The following LIFR variants were observed in gnomAD, a reference collection of about 807,000 sequenced individuals.
LIFR encodes the protein leukemia inhibitory factor receptor.
In LIFR, 84 loss-of-function variants were observed where a neutral mutation model predicts 122.2. The observed-to-expected ratio is 0.69, with a 90% CI of 0.58 to 0.82. The LOEUF (loss-of-function observed/expected upper bound fraction) is 0.82, where lower values mean the gene tolerates loss of function less well. Ranked by LOEUF, LIFR falls within the 40% of genes least tolerant of loss-of-function variation. LIFR has a pLI of 0.00. For synonymous variants in LIFR, 422 were observed against 434.7 expected, an observed-to-expected ratio of 0.97 and a Z score of 0.36; for missense variants, 1,294 against 1,311.6, an observed-to-expected ratio of 0.99 and a Z score of 0.21.
intron 18 of LIFR, among the ~76,000 whole-genome samples, chr5:38,484,170 C>T (rs772823015): frequency 6.6e-6 from 1 of 152,254 alleles, no homozygotes; most frequent in Non-Finnish European, 1.5e-5. Context: ...GGGCCATGGC[C>T]GACCAGCTCG....
intron 4 of LIFR, 118 bp downstream of exon 4, chr5:38,527,037 G>T: frequency 1.1e-6 from 1 of 886,666 alleles, no homozygotes; most frequent in Non-Finnish European, 1.7e-6. Context: ...TAGGGAGGTT[G>T]CTGAGTGAAT....
chr5:38,523,364 A>T, intron 5 of LIFR, 55 bp downstream of exon 5: 1 of 1,486,928 alleles, frequency 6.7e-7, no homozygotes, highest in Non-Finnish European at 9.2e-7. Context: ...GCTTCTTAAA[A>T]AAAATTATTC....
intron 1 of LIFR, among the ~76,000 whole-genome samples, chr5:38,588,057 A>G (rs1382397802): frequency 1.3e-5 from 2 of 152,250 alleles, no homozygotes; most frequent in Non-Finnish European, 2.9e-5. Context: ...CTAGAGCAAC[A>G]TTATATCAAA....
chr5:38,533,762 T>G (rs987241184), intron 1 of LIFR, among the ~76,000 whole-genome samples: 4 of 152,102 alleles, frequency 2.6e-5, no homozygotes. Context: ...GAGAGTGAGT[T>G]AGCATGTCCT....
chr5:38,563,351 C>G (rs1031378029), intron 1 of LIFR, among the ~76,000 whole-genome samples: 1 of 152,096 alleles, frequency 6.6e-6, no homozygotes, highest in African/African-American at 2.4e-5. Context: ...TTTCTTAACT[C>G]TAGAAAAGAG....
intron 1 of LIFR, among the ~76,000 whole-genome samples, chr5:38,606,708 G>T (rs530317831): frequency 3.9e-4 from 60 of 152,322 alleles, no homozygotes; most frequent in African/African-American, 1.4e-3. Flanking sequence ...GTGCTGCACA[G>T]TTGCATATTA....
chr5:38,566,862 T>TA (rs1315125828), intron 1 of LIFR, among the ~76,000 whole-genome samples: 2 of 151,246 alleles, frequency 1.3e-5, no homozygotes, highest in African/African-American at 2.4e-5. Flanking sequence ...AAACCAATTC[T>TA]AAAAAAAAAG....
rs1044451246 is a variant in LIFR, at chr5:38,477,643, G to A, written c.*3952C>T. 1 of 213,468 alleles carries A rather than the reference G, an allele frequency of 4.7e-6. No individual in the cohort carries two copies. The highest frequency in any genetic ancestry group is 9.5e-6 in the Non-Finnish European group (1 of 105,340). The allele number at this position is 213,468 out of a possible 1,614,324, so 13.2% of individuals were successfully genotyped here. On this transcript the variant is annotated 3_prime_UTR_variant, in exon 20 of 20. Transcript: ENST00000453190. ...TCCTTCCTCAGTTTTCACTCAAACC[G>A]TGGAGTCACTTCCGAAGTAGATTTG...
intron 9 of LIFR, 91 bp from the exon 10 acceptor site, chr5:38,504,212 C>A: frequency 1.1e-6 from 1 of 935,324 alleles, no homozygotes; most frequent in Non-Finnish European, 1.7e-6. Context: ...TAAAAAACAA[C>A]GAGGCATCAT....
At position 38,530,620 on chromosome 5, in the gene LIFR, G is replaced by A. The variant is rs3729732; in HGVS notation, c.28C>T (p.Arg10Ter). The change falls in exon 2 of 20, where the codon CGA becomes TGA. Residue 10 changes from arginine to a stop codon, truncating the protein, a stop_gained. Coordinates refer to ENST00000453190, the MANE Select transcript of LIFR (RefSeq NM_001127671.2). LOFTEE classifies it high-confidence loss of function. The part of the protein sequence containing the change: MMDIYVCLK[R>*]PSWMVDNKRM... ...TTATTGTCCACCATCCAGGATGGTC[G>A]TTTCAAACATACGTAAATATCCATC... The A allele has an allele frequency of 1.9e-5, 30 of 1,613,474 alleles. No homozygotes were observed. Among genetic ancestry groups the A allele is most frequent in the Middle Eastern group, 1.7e-4 (1 of 6,056 alleles).
At chr5:38,573,487 C>T (rs915800319) in intron 1 of LIFR, among the ~76,000 whole-genome samples, 1 of 152,164 alleles carries the variant, frequency 6.6e-6, no homozygotes. Context: ...CAAATATTAG[C>T]GACTGTTCCT....
In LIFR at chr5:38,475,604, T is replaced by G. The variant is rs1743688023; in HGVS notation, c.*5991A>C. On this transcript the variant is annotated 3_prime_UTR_variant, in exon 20 of 20. Transcript: ENST00000453190. The stretch of plus-strand genomic sequence containing the variant: ...AAAACTTAAAATATTTAACATATAA[T>G]ACTCACTTTAAAAAAACATTCATTC... 5.4e-6 allele frequency: 1 copy of G among 186,456 alleles called. No homozygotes were observed. Among genetic ancestry groups the G allele is most frequent in the African/African-American group, 2.3e-5 (1 of 42,744 alleles). The allele number at this position is 186,456 out of a possible 1,614,324, so 11.6% of individuals were successfully genotyped here. A position where few individuals can be genotyped will look rare whatever the true frequency, so the allele number is the denominator to read the frequency against.
chr5:38,486,552 A>T (rs1744294762), intron 16 of LIFR, among the ~76,000 whole-genome samples: 2 of 152,186 alleles, frequency 1.3e-5, no homozygotes, highest in Admixed American at 1.3e-4. Context: ...TAAAAATTTA[A>T]CCAGAATAAT....
intron 11 of LIFR, among the ~76,000 whole-genome samples, chr5:38,501,147 G>A (rs1745153964): frequency 6.6e-6 from 1 of 152,178 alleles, no homozygotes; most frequent in Admixed American, 6.5e-5. Flanking sequence ...CCATAGAAAT[G>A]GGAAGATCAT....
rs1172191341 is a variant in LIFR, at chr5:38,474,849, A to G, written c.*6746T>C. On this transcript the variant is annotated 3_prime_UTR_variant, in exon 20 of 20. Transcript: ENST00000453190. ...ATCCATAGCGCTATGTGATTGCTTT[A>G]CAACCACTGTATTTCTTACGGGATA... The G allele has an allele frequency of 1.3e-5, 2 of 153,508 alleles. No individual in the cohort carries two copies. The highest frequency in any genetic ancestry group is 2.4e-5 in the African/African-American group (1 of 41,516). The allele number at this position is 153,508 out of a possible 1,614,324, so 9.5% of individuals were successfully genotyped here. A position where few individuals can be genotyped will look rare whatever the true frequency, so the allele number is the denominator to read the frequency against.
intron 1 of LIFR, among the ~76,000 whole-genome samples, chr5:38,534,534 ATAGGTCTAGTCC>A (rs1580134314): frequency 6.6e-6 from 1 of 152,214 alleles, no homozygotes; most frequent in African/African-American, 2.4e-5. Context: ...TTATCAGTAT[ATAGGTCTAGTCC>A]TAGCAAAAAT....
intron 1 of LIFR, among the ~76,000 whole-genome samples, chr5:38,536,674 G>A (rs1300793863): frequency 6.6e-6 from 1 of 152,172 alleles, no homozygotes; most frequent in Non-Finnish European, 1.5e-5. Flanking sequence ...TTCATAAAGA[G>A]AACTGTTAGG....
chr5:38,526,272 G>C (rs1746674116), intron 4 of LIFR, among the ~76,000 whole-genome samples: 1 of 152,128 alleles, frequency 6.6e-6, no homozygotes, highest in African/African-American at 2.4e-5. Flanking sequence ...GACATAAGAA[G>C]ATAAGAGTAT....
At position 38,490,254 on chromosome 5, in the gene LIFR, C is replaced by T. The variant is rs765057874; in HGVS notation, c.2103G>A (p.Leu701=). 3.8e-6 allele frequency: 6 copies of T among 1,582,176 alleles called. No homozygotes were observed. The highest frequency in any genetic ancestry group is 1.1e-5 in the South Asian group (1 of 89,134). Residue 701 remains leucine (L), a synonymous_variant, in exon 15 of 20, where the codon CTG becomes CTA. Coordinates refer to ENST00000453190, the MANE Select transcript of LIFR (RefSeq NM_001127671.2). Reference sequence around the variant, plus strand: ...GATATCCTTGATTTCTGCATCCATACAGGAAAAAATTATATCTTATACCTG... The same window carrying T: ...GATATCCTTGATTTCTGCATCCATATAGGAAAAAATTATATCTTATACCTG... The part of the protein sequence containing the change: ...FRPGIRYNFF[L]YGCRNQGYQL...
Sources: gnomAD v4.1 joint callset for allele counts (sites outside exome capture counted in the v4.1 genomes callset) on GRCh38, gnomAD v4.1.1 for gene constraint, MANE v1.5 for transcripts, NCBI Gene and HGNC (gene_info 2026-07-23, HGNC 2026-07-21) for gene names.